NRXN3: variants seen among roughly 807,000 people sequenced by gnomAD.
NRXN3 encodes neurexin III.
NRXN3 carries 32 observed loss-of-function variants against 137.6 expected under a neutral mutation model. The ratio of observed to expected loss-of-function variants is 0.23; its 90% CI spans 0.18 to 0.31. The LOEUF is 0.31. NRXN3 is among the 10% of genes least tolerant of loss of function. The pLI is 1.00. For missense variants in NRXN3, 1,574 were observed against 2,062.5 expected (o/e 0.76, Z 4.59); for synonymous variants, 798 against 784.5 (o/e 1.02, Z -0.29).
chr14:79,385,996 C>G (rs2094604218), intron 15 of NRXN3, among the ~76,000 whole-genome samples: 1 of 152,132 alleles, frequency 6.6e-6, no homozygotes. Context: ...CAGCCAATAT[C>G]ATACTGAATG....
At chr14:79,518,596 A>G in intron 16 of NRXN3, among the ~76,000 whole-genome samples, 1 of 152,152 alleles carries the variant, frequency 6.6e-6, no homozygotes, top group East Asian at 1.9e-4. Flanking sequence ...TCTTGTTAAT[A>G]GTAATCATTT....
At chr14:79,749,359 T>C (rs1391879157) in intron 19 of NRXN3, among the ~76,000 whole-genome samples, 4 of 152,084 alleles carry the variant, frequency 2.6e-5, no homozygotes. Context: ...GATAAATTCA[T>C]GTCAAACAGG....
chr14:79,553,802 C>T (rs2097400337), intron 16 of NRXN3, among the ~76,000 whole-genome samples: 1 of 152,190 alleles, frequency 6.6e-6, no homozygotes, highest in Admixed American at 6.5e-5. Context: ...GGTTAGCCCC[C>T]TAGACTGAAC....
intron 1 of NRXN3, among the ~76,000 whole-genome samples, chr14:78,193,756 T>C (rs2153380430): frequency 1.7e-5 from 2 of 114,914 alleles, no homozygotes; most frequent in Admixed American, 8.9e-5. Context: ...AATGAAACTC[T>C]GTCTCAAAAA....
At chr14:79,097,691 C>G (rs2050592523) in intron 15 of NRXN3, among the ~76,000 whole-genome samples, 1 of 152,056 alleles carries the variant, frequency 6.6e-6, no homozygotes, top group African/African-American at 2.4e-5. Context: ...AATGAATACC[C>G]CTATATACAA....
chr14:78,220,180 G>A (rs932840619), intron 1 of NRXN3, among the ~76,000 whole-genome samples: 1 of 152,152 alleles, frequency 6.6e-6, no homozygotes, highest in Non-Finnish European at 1.5e-5. Flanking sequence ...GAGTTTGGTT[G>A]TAGTCAGAGT....
intron 10 of NRXN3, among the ~76,000 whole-genome samples, chr14:78,844,984 T>C (rs1251565806): frequency 1.3e-5 from 2 of 152,062 alleles, no homozygotes; most frequent in East Asian, 1.9e-4. Flanking sequence ...CATATTACTA[T>C]GTGATGTCAA....
intron 19 of NRXN3, among the ~76,000 whole-genome samples, chr14:79,716,246 G>A (rs770672882): frequency 6.6e-6 from 1 of 152,164 alleles, no homozygotes; most frequent in Non-Finnish European, 1.5e-5. Flanking sequence ...ATGCCTCACA[G>A]ACCCATGTGC....
intron 10 of NRXN3, among the ~76,000 whole-genome samples, chr14:78,869,684 C>T (rs1235326464): frequency 6.6e-6 from 1 of 152,158 alleles, no homozygotes; most frequent in Non-Finnish European, 1.5e-5. Flanking sequence ...GTCCCTTTTC[C>T]AGTTTGATGT....
chr14:79,309,893 T>C (rs1390758540), intron 15 of NRXN3, among the ~76,000 whole-genome samples: 2 of 110,238 alleles, frequency 1.8e-5, no homozygotes, highest in African/African-American at 8.6e-5. Context: ...GCCTGTTCAC[T>C]CTGATGGTAG....
In NRXN3 at chr14:78,449,684, A is replaced by G. The variant is rs149376749; in HGVS notation, c.757+151824A>G. On this transcript the variant is annotated intron_variant, in intron 4 of 20. Coordinates refer to ENST00000335750, the MANE Select transcript of NRXN3 (RefSeq NM_001330195.2). ...GCATGAGCATTAATATCTCCATTGTACAGATGAAGACACACACAGGAAGAG... is the reference window on the plus strand; with the variant it reads ...GCATGAGCATTAATATCTCCATTGTGCAGATGAAGACACACACAGGAAGAG... 5.8e-3 allele frequency among the ~76,000 whole-genome samples: 891 copies of G among 152,362 alleles called. 1 individual carries two copies. Among genetic ancestry groups the G allele is most frequent in the African/African-American group, 0.02 (838 of 41,584 alleles).
intron 8 of NRXN3, among the ~76,000 whole-genome samples, chr14:78,792,204 G>A (rs200926127): frequency 9.2e-6 from 1 of 109,224 alleles, no homozygotes. Flanking sequence ...AGAACTCAAA[G>A]AAAAAAAAAA....
At chr14:78,263,769 G>C (rs897472302) in intron 2 of NRXN3, among the ~76,000 whole-genome samples, 2 of 151,966 alleles carry the variant, frequency 1.3e-5, no homozygotes, top group Non-Finnish European at 2.9e-5. Flanking sequence ...TCTCACATCA[G>C]ATTTGCAGGT....
chr14:79,043,201 A>T (rs928888121), intron 15 of NRXN3, among the ~76,000 whole-genome samples: 4 of 152,152 alleles, frequency 2.6e-5, no homozygotes, highest in African/African-American at 9.7e-5. Flanking sequence ...AAGCATGTAC[A>T]ATTTATTGCC....
At chr14:79,014,563 G>A (rs1473395586) in intron 15 of NRXN3, among the ~76,000 whole-genome samples, 1 of 152,122 alleles carries the variant, frequency 6.6e-6, no homozygotes, top group Non-Finnish European at 1.5e-5. Flanking sequence ...TGCAATGAAT[G>A]TATGTGTGCA....
chr14:79,452,528 C>A (rs529589127), intron 15 of NRXN3, among the ~76,000 whole-genome samples: 1 of 152,072 alleles, frequency 6.6e-6, no homozygotes, highest in Admixed American at 6.6e-5. Flanking sequence ...AGCATAAGAC[C>A]AGGACCAGGT....
At chr14:78,619,962 A>C (rs1166108882) in intron 4 of NRXN3, among the ~76,000 whole-genome samples, 2 of 152,148 alleles carry the variant, frequency 1.3e-5, no homozygotes, top group African/African-American at 4.8e-5. Context: ...CCAGGCACCG[A>C]ATCTGCCAGC....
At chr14:79,301,437 A>G (rs990631502) in intron 15 of NRXN3, among the ~76,000 whole-genome samples, 2 of 151,876 alleles carry the variant, frequency 1.3e-5, no homozygotes, top group African/African-American at 4.8e-5. Context: ...TGGTCATAAA[A>G]CTAATAGGTG....
chr14:79,784,416 T>A (rs1434154446), intron 19 of NRXN3, among the ~76,000 whole-genome samples: 1 of 152,172 alleles, frequency 6.6e-6, no homozygotes, highest in Non-Finnish European at 1.5e-5. Flanking sequence ...TATTTTTGCA[T>A]GTCTTCTTTA....
Sources: allele counts gnomAD v4.1 joint callset (sites outside exome capture counted in the v4.1 genomes callset), GRCh38; gene constraint gnomAD v4.1.1; transcripts MANE v1.5; gene names NCBI Gene and HGNC (gene_info 2026-07-23, HGNC 2026-07-21).